SH3TC1: variants seen among roughly 807,000 people sequenced by gnomAD.
SH3TC1 encodes SH3 domain and tetratricopeptide repeat-containing protein 1.
SH3TC1 carries 135 observed loss-of-function variants against 117.3 expected under a neutral mutation model. The ratio of observed to expected loss-of-function variants is 1.15; its 90% CI spans 1.00 to 1.33. The LOEUF (loss-of-function observed/expected upper bound fraction) is 1.33. Among genes scored for constraint, SH3TC1 ranks in the 40% most tolerant of loss-of-function variants. The probability of loss-of-function intolerance (pLI) is 0.00; values close to 1 mark genes in which losing one functional copy is unlikely to be tolerated. For missense variants in SH3TC1, 2,092 were observed against 1,794.3 expected, an observed-to-expected ratio of 1.17 and a Z score of -3.00; for synonymous variants, 898 against 816.9, an observed-to-expected ratio of 1.10 and a Z score of -1.69.
Position 8,228,079 on chromosome 4 carries a change from G to C in SH3TC1, c.2385G>C (p.Leu795=). 1 of 1,607,572 alleles carries C rather than the reference G, an allele frequency of 6.2e-7. No homozygotes were observed. Among genetic ancestry groups the C allele is most frequent in the Non-Finnish European group, 8.5e-7 (1 of 1,176,678 alleles). The change falls in exon 12 of 18, where the codon CTG becomes CTC. Residue 795 remains leucine, a synonymous_variant. Transcript: ENST00000245105. ...CCCTCTACACCAGCTTGGCCCAGCTGTACAGCCACCATGGCTGCCACGGCC... is the reference window on the plus strand; with the variant it reads ...CCCTCTACACCAGCTTGGCCCAGCTCTACAGCCACCATGGCTGCCACGGCC... ...RGPLYTSLAQ[L]YSHHGCHGPA...
chr4:8,188,524 C>T (rs1018994682), intron 1 of SH3TC1, among the ~76,000 whole-genome samples: 1 of 152,278 alleles, frequency 6.6e-6, no homozygotes, highest in African/African-American at 2.4e-5. Flanking sequence ...ATCTGCTCTC[C>T]ATCATTGGGT....
rs59196544 is a variant in SH3TC1 at position 8,225,627 on chromosome 4, A to G, written c.1285+411A>G. On this transcript the variant is annotated intron_variant, in intron 11 of 17. Coordinates refer to ENST00000245105, the MANE Select transcript of SH3TC1 (RefSeq NM_018986.5). This position sits in a 1 kb window ranked among gnomAD's most constrained non-coding sequence, Gnocchi z 5.5. ...AGAGCCTTAGGTTGCAGGGGCCTCA[A>G]CTGAGGTCCCTCAAGGGTCTGCTCC... 2.3e-3 allele frequency among the ~76,000 whole-genome samples: 347 copies of G among 152,278 alleles called. 5 individuals are homozygous for G. The East Asian group carries it at 0.035, about 16-fold the overall frequency.
chr4:8,216,368 C>A (rs1234140996), intron 6 of SH3TC1, 111 bp downstream of exon 6: 1 of 1,459,762 alleles, frequency 6.9e-7, no homozygotes, highest in Non-Finnish European at 9.2e-7. Flanking sequence ...CTGTGGGCTG[C>A]GGAGCCTCTG....
rs138103889 is a variant in SH3TC1 at position 8,236,282 on chromosome 4, G to C, written c.3410G>C (p.Arg1137Pro). 6.4e-7 allele frequency: 1 copy of C among 1,550,962 alleles called. No individual in the cohort carries two copies. The highest frequency in any genetic ancestry group is 2.4e-5 in the East Asian group (1 of 41,316). ...CCCCACCTGCCTGTGTGGCAGGACC[G>C]GGCCCTGCCCCTGGCAGTGACTACG... Reference protein sequence around the residue: ...REKAVSFYRDRALPLAVTTGN... With the variant: ...REKAVSFYRDPALPLAVTTGN... Residue 1137 changes from arginine to proline, a missense_variant, in exon 16 of 18, where the codon CGG (arginine) becomes CCG (proline). Coordinates refer to ENST00000245105, the MANE Select transcript of SH3TC1 (RefSeq NM_018986.5).
intron 1 of SH3TC1, among the ~76,000 whole-genome samples, chr4:8,188,374 C>T (rs896193252): frequency 2.0e-5 from 3 of 152,332 alleles, no homozygotes; most frequent in Non-Finnish European, 4.4e-5. Context: ...TGGGCAACAC[C>T]GCCTGCTGAC....
chr4:8,192,826 C>T lies in SH3TC1; in HGVS notation c.-57+10616C>T, dbSNP rs965020163. On this transcript the variant is annotated intron_variant, in intron 1 of 16. Coordinates refer to the SH3TC1 transcript ENST00000508641. The surrounding 1 kb of genome is among the most constrained non-coding windows in gnomAD (Gnocchi z 4.1). ...TTATTTGTTGCCTTCTCTTCTGCTC[C>T]GAGTTTAGGTTCATGTCGCCACCTG... Among the ~76,000 whole-genome samples the T allele has an allele frequency of 1.8e-4, 27 of 152,144 alleles. No homozygotes were observed. The highest frequency in any genetic ancestry group is 5.9e-5 in the Non-Finnish European group (4 of 68,030).
At position 8,206,381 on chromosome 4, in the gene SH3TC1, G is replaced by A. The variant is rs575550033; in HGVS notation, c.172+1015G>A. ...GCGTTCCCTCCAGGGCAGGCCTCAT[G>A]AAAGGAAGGGGCTGCGCTGTGCCCA... is the stretch of plus-strand genomic sequence containing the variant. On this transcript the variant is annotated intron_variant, in intron 2 of 17. Coordinates refer to ENST00000245105, the MANE Select transcript of SH3TC1 (RefSeq NM_018986.5). The surrounding 1 kb of genome is among the most constrained non-coding windows in gnomAD (Gnocchi z 5.5). Among the ~76,000 whole-genome samples the A allele has an allele frequency of 4.9e-4, 74 of 152,052 alleles. No individual in the cohort carries two copies. Among genetic ancestry groups the A allele is most frequent in the Non-Finnish European group, 9.1e-4 (62 of 67,984 alleles).
chr4:8,201,842 A>G, intron 1 of SH3TC1: 1 of 151,964 alleles, frequency 6.6e-6, no homozygotes, highest in Non-Finnish European at 1.5e-5. Flanking sequence ...ACCCAGGGGG[A>G]GGTGGTGGGC....
At chr4:8,240,324 A>T (rs1722217132) in intron 17 of SH3TC1, among the ~76,000 whole-genome samples, 2 of 152,184 alleles carry the variant, frequency 1.3e-5, no homozygotes, top group Admixed American at 1.3e-4. Flanking sequence ...CAGGGGCCAG[A>T]GGGAAGCCTG....
chr4:8,207,447 G>A (rs1420298200), intron 2 of SH3TC1, among the ~76,000 whole-genome samples: 1 of 152,196 alleles, frequency 6.6e-6, no homozygotes, highest in African/African-American at 2.4e-5. Flanking sequence ...TGAATATCCT[G>A]TTCCTCATCA....
intron 16 of SH3TC1, 158 bp downstream of exon 16, chr4:8,236,586 C>A: frequency 9.8e-7 from 1 of 1,018,614 alleles, no homozygotes; most frequent in Non-Finnish European, 1.4e-6. Flanking sequence ...GGCCGTGGGG[C>A]ACAGCCCGAG....
chr4:8,196,322 A>G (rs1481452453), upstream of SH3TC1, among the ~76,000 whole-genome samples: 2 of 151,912 alleles, frequency 1.3e-5, no homozygotes, highest in Non-Finnish European at 2.9e-5. The surrounding 1 kb of genome is among the most constrained non-coding windows in gnomAD (Gnocchi z 4.6). Flanking sequence ...CCCTCGGTGG[A>G]GAAGACTCGC....
Position 8,212,654 on chromosome 4 carries a change from C to G in SH3TC1, c.248-47C>G, listed in dbSNP as rs148270559. ...GTGGAGTACAGTGCCCCACAGACTT[C>G]CCAGCCCAGGTCAGACCAACTGCCC... On this transcript the variant is annotated intron_variant, in intron 3 of 17. Transcript: ENST00000245105. 10 of 1,611,372 alleles carry G rather than the reference C, an allele frequency of 6.2e-6. No homozygotes were observed. In the African/African-American group the frequency reaches 8.0e-5, roughly 13 times the overall value.
intron 14 of SH3TC1, among the ~76,000 whole-genome samples, chr4:8,235,206 G>A (rs961840754): frequency 4.6e-5 from 7 of 152,250 alleles, no homozygotes; most frequent in African/African-American, 1.4e-4. Context: ...ATTCACAGAT[G>A]TCGGGCTCCT....
intron 1 of SH3TC1, among the ~76,000 whole-genome samples, chr4:8,189,778 TG>T (rs1444666427): frequency 6.6e-6 from 1 of 152,158 alleles, no homozygotes; most frequent in Non-Finnish European, 1.5e-5. Flanking sequence ...AGCTGCAGCC[TG>T]GGGACCTCAG....
chr4:8,205,289 T>G lies in SH3TC1; in HGVS notation c.95T>G (p.Val32Gly), dbSNP rs1296677726. Reference protein sequence around the residue: ...PSGGGSTRDQVRTVVMRPSVS... With the variant: ...PSGGGSTRDQGRTVVMRPSVS... ...GGAGGTGGCAGCACCCGGGACCAGG[T>G]CCGGACTGTGGTCATGAGGCCCTCT... Residue 32 changes from valine (V) to glycine (G), a missense_variant, in exon 2 of 18, where the codon GTC (valine) becomes GGC (glycine). Val to Gly is a moderately radical substitution (Grantham distance 109, BLOSUM62 -3). Transcript: ENST00000245105. The surrounding 1 kb of genome is among the most constrained non-coding windows in gnomAD (Gnocchi z 5.4). 1.3e-6 allele frequency: 2 copies of G among 1,550,246 alleles called. No individual in the cohort carries two copies. Among genetic ancestry groups the G allele is most frequent in the African/African-American group, 2.7e-5 (2 of 73,006 alleles).
At chr4:8,232,926 A>C (rs764530555) in intron 13 of SH3TC1, 8 of 1,197,910 alleles carry the variant, frequency 6.7e-6, no homozygotes, top group African/African-American at 1.6e-5. Flanking sequence ...TGGGAGTTCT[A>C]GGGCCCGCCC....
chr4:8,209,526 T>C lies in SH3TC1; in HGVS notation c.173-222T>C, dbSNP rs542463722. The C allele has an allele frequency of 3.2e-5, 31 of 965,616 alleles. No homozygotes were observed. The South Asian group carries it at 4.3e-4, about 13-fold the overall frequency. The allele number at this position is 965,616 out of a possible 1,614,324, so 59.8% of individuals were successfully genotyped here. A position where few individuals can be genotyped will look rare whatever the true frequency, so the allele number is the denominator to read the frequency against. On this transcript the variant is annotated intron_variant, in intron 2 of 17. Coordinates refer to ENST00000245105, the MANE Select transcript of SH3TC1 (RefSeq NM_018986.5). The surrounding 1 kb of genome is among the most constrained non-coding windows in gnomAD (Gnocchi z 5.9). ...CATACGAGTCGTGTGGTCTTAAGCCTCTGAGTGTGGGGCAGCTTGTCACAG... is the reference window on the plus strand; with the variant it reads ...CATACGAGTCGTGTGGTCTTAAGCCCCTGAGTGTGGGGCAGCTTGTCACAG...
chr4:8,196,793 A>C (rs931295605), upstream of SH3TC1, among the ~76,000 whole-genome samples: 1 of 151,970 alleles, frequency 6.6e-6, no homozygotes, highest in Non-Finnish European at 1.5e-5. This position sits in a 1 kb window ranked among gnomAD's most constrained non-coding sequence, Gnocchi z 4.6. Flanking sequence ...GGAGTCCAGG[A>C]GGGGCTTCAG....
Sources: gnomAD v4.1 joint callset for allele counts (sites outside exome capture counted in the v4.1 genomes callset) on GRCh38, gnomAD v4.1.1 for gene constraint, Gnocchi (gnomAD v3.1) non-coding constraint, MANE v1.5 for transcripts, NCBI Gene and HGNC (gene_info 2026-07-23, HGNC 2026-07-21) for gene names.